The following CACNA1C variants were observed in gnomAD, a reference collection of about 807,000 sequenced individuals.
The protein encoded by CACNA1C is calcium voltage-gated channel subunit alpha1 C, also known as voltage-dependent L-type calcium channel subunit alpha-1C.
Under a neutral mutation model 229.0 loss-of-function variants are expected in CACNA1C, and 30 were observed. The ratio of observed to expected loss-of-function variants is 0.13; its 90% CI spans 0.10 to 0.18. The LOEUF (loss-of-function observed/expected upper bound fraction) is 0.18. Among genes scored for constraint, CACNA1C ranks in the 10% least tolerant of loss-of-function variants. The pLI is 1.00. For synonymous variants in CACNA1C, 1,114 were observed against 1,132.5 expected, an observed-to-expected ratio of 0.98 and a Z score of 0.33; for missense variants, 1,658 against 2,845.0, an observed-to-expected ratio of 0.58 and a Z score of 9.49.
rs2092439892 is a variant in CACNA1C at position 2,285,201 on chromosome 12, G to T, written c.478-163775G>T. On this transcript the variant is annotated intron_variant, in intron 3 of 46. Coordinates refer to ENST00000399655, the MANE Select transcript of CACNA1C (RefSeq NM_000719.7). The surrounding 1 kb of genome is among the most constrained non-coding windows in gnomAD (Gnocchi z 4.2). ...CCTAGCAGGAATTTCCTCTTCCTTG[G>T]GTCAAGCGGGTGGGAAGGGCTCATG... Among the ~76,000 whole-genome samples the T allele has an allele frequency of 6.6e-6, 1 of 152,094 alleles. No homozygotes were observed. The highest frequency in any genetic ancestry group is 2.4e-5 in the African/African-American group (1 of 41,412).
chr12:2,572,470 C>T (rs1261936340), intron 13 of CACNA1C, among the ~76,000 whole-genome samples: 2 of 71,706 alleles, frequency 2.8e-5, no homozygotes, highest in African/African-American at 5.8e-5. Context: ...CCTCCTCTTC[C>T]TCCTTCTCCT....
chr12:2,302,026 A>G (rs2094598463), intron 3 of CACNA1C, among the ~76,000 whole-genome samples: 1 of 152,224 alleles, frequency 6.6e-6, no homozygotes, highest in Non-Finnish European at 1.5e-5. Flanking sequence ...CTGATTTATT[A>G]GGAAACAATT....
intron 18 of CACNA1C, among the ~76,000 whole-genome samples, chr12:2,592,938 C>A (rs1343145214): frequency 6.6e-6 from 1 of 152,140 alleles, no homozygotes; most frequent in African/African-American, 2.4e-5. Flanking sequence ...TTGCCCAGAA[C>A]TAGGGGGTTT....
intron 42 of CACNA1C, chr12:2,680,436 C>T: frequency 6.4e-7 from 1 of 1,561,526 alleles, no homozygotes; most frequent in Non-Finnish European, 8.7e-7. Context: ...TCCTCCCTGT[C>T]TGCATCAGCA....
chr12:2,343,423 C>T (rs924079019), intron 3 of CACNA1C, among the ~76,000 whole-genome samples: 3 of 152,132 alleles, frequency 2.0e-5, no homozygotes, highest in Non-Finnish European at 2.9e-5. Context: ...AACAAAGAAA[C>T]AACAGAACAA....
At position 2,338,609 on chromosome 12, in the gene CACNA1C, G is replaced by A. The variant is rs1240549847; in HGVS notation, c.478-110367G>A. On this transcript the variant is annotated intron_variant, in intron 3 of 46. Transcript: ENST00000399655. ...GCAGATGCCATTCTTTTGCTCCCCA[G>A]AGACTGGGTGATGTCTGAGAGATAG... Among the ~76,000 whole-genome samples the A allele has an allele frequency of 2.0e-5, 3 of 151,746 alleles. No homozygotes were observed. In the East Asian group the frequency reaches 5.9e-4, roughly 30 times the overall value.
intron 5 of CACNA1C, among the ~76,000 whole-genome samples, chr12:2,483,444 G>A (rs556721063): frequency 1.3e-5 from 2 of 152,328 alleles, no homozygotes; most frequent in African/African-American, 2.4e-5. Flanking sequence ...GGAGGAAAAC[G>A]AGTCATGGAT....
chr12:2,339,989 G>A (rs1247173842), intron 3 of CACNA1C, among the ~76,000 whole-genome samples: 1 of 152,090 alleles, frequency 6.6e-6, no homozygotes, highest in Non-Finnish European at 1.5e-5. Context: ...ATATTACTAT[G>A]TACTTTGGTT....
intron 1 of CACNA1C, among the ~76,000 whole-genome samples, chr12:2,028,922 G>T (rs146150138): frequency 1.9e-4 from 29 of 152,328 alleles, no homozygotes; most frequent in African/African-American, 7.0e-4. Context: ...GTTTCCGTTA[G>T]ATACTCTGTA....
chr12:2,572,590 T>G (rs1222216501), intron 13 of CACNA1C, among the ~76,000 whole-genome samples: 8 of 84,898 alleles, frequency 9.4e-5, no homozygotes, highest in African/African-American at 3.7e-4. Flanking sequence ...CTCCTCCTCC[T>G]TCTCCTCTCC....
chr12:2,524,157 C>T (rs191772847), intron 9 of CACNA1C, among the ~76,000 whole-genome samples: 1 of 152,356 alleles, frequency 6.6e-6, no homozygotes, highest in Non-Finnish European at 1.5e-5. Context: ...AAAGTGGAAT[C>T]ATTGGCCTCA....
chr12:1,992,896 G>A (rs1326371971), intron 1 of CACNA1C: 4 of 504,214 alleles, frequency 7.9e-6, no homozygotes, highest in Non-Finnish European at 1.4e-5. Flanking sequence ...TGCCATAGCA[G>A]ACTCGTTAAT....
intron 3 of CACNA1C, chr12:2,221,768 T>C (rs890645917): frequency 6.6e-6 from 1 of 152,224 alleles, no homozygotes; most frequent in African/African-American, 2.4e-5. Context: ...GTAATGGAGC[T>C]AAACCTGGGA....
chr12:2,239,877 G>A (rs1366630069), intron 3 of CACNA1C, among the ~76,000 whole-genome samples: 2 of 152,228 alleles, frequency 1.3e-5, no homozygotes, highest in African/African-American at 4.8e-5. Context: ...GCTGGCCCAC[G>A]TGATGGCCAG....
At chr12:2,290,509 G>A (rs553070487) in intron 3 of CACNA1C, among the ~76,000 whole-genome samples, 5 of 152,290 alleles carry the variant, frequency 3.3e-5, no homozygotes, top group African/African-American at 1.2e-4. Flanking sequence ...GCCCTCTTGG[G>A]GAGAAAGAAA....
At chr12:2,169,088 G>A (rs894701210) in intron 3 of CACNA1C, among the ~76,000 whole-genome samples, 12 of 152,254 alleles carry the variant, frequency 7.9e-5, no homozygotes, top group African/African-American at 2.6e-4. Context: ...GCTTTGCCTC[G>A]TTAAGAGCTC....
intron 3 of CACNA1C, among the ~76,000 whole-genome samples, chr12:2,419,514 A>G (rs2098952272): frequency 1.3e-5 from 2 of 152,128 alleles, no homozygotes; most frequent in African/African-American, 4.8e-5. Context: ...GAACTATAGC[A>G]CCACCATGCC....
At chr12:2,599,191 G>A (rs1332101053) in intron 21 of CACNA1C, among the ~76,000 whole-genome samples, 3 of 152,172 alleles carry the variant, frequency 2.0e-5, no homozygotes, top group Non-Finnish European at 4.4e-5. Context: ...TCATGGCAAG[G>A]TCCTTCCATC....
intron 3 of CACNA1C, among the ~76,000 whole-genome samples, chr12:2,440,731 C>A (rs1216315801): frequency 6.6e-6 from 1 of 152,222 alleles, no homozygotes; most frequent in African/African-American, 2.4e-5. Flanking sequence ...AACTCTCATG[C>A]CCCTCACATA....
Sources: gnomAD v4.1 joint callset for allele counts (sites outside exome capture counted in the v4.1 genomes callset) on GRCh38, gnomAD v4.1.1 for gene constraint, Gnocchi (gnomAD v3.1) non-coding constraint, MANE v1.5 for transcripts, NCBI Gene and HGNC (gene_info 2026-07-23, HGNC 2026-07-21) for gene names.